TEAD4: variants seen among roughly 807,000 people sequenced by gnomAD.
TEAD4 encodes the protein transcriptional enhancer factor TEF-3.
A neutral mutation model predicts 52.4 loss-of-function variants in TEAD4; 36 were observed. The ratio of observed to expected loss-of-function variants is 0.69; its 90% confidence interval spans 0.53 to 0.91. The LOEUF is 0.91. TEAD4 is among the 40% of genes least tolerant of loss of function. The pLI is 0.00. For synonymous variants in TEAD4, 220 were observed against 231.0 expected (o/e 0.95, Z 0.43); for missense variants, 508 against 583.9 (o/e 0.87, Z 1.34).
At chr12:2,987,788 G>T (rs1046848320) in intron 2 of TEAD4, among the ~76,000 whole-genome samples, 3 of 151,612 alleles carry the variant, frequency 2.0e-5, no homozygotes, top group Non-Finnish European at 1.5e-5. Context: ...TTTCAGGGCC[G>T]GGCACGGTGG....
At chr12:2,971,157 A>T (rs532961089) in intron 2 of TEAD4, among the ~76,000 whole-genome samples, 19 of 152,220 alleles carry the variant, frequency 1.2e-4, no homozygotes, top group Non-Finnish European at 2.2e-4. Flanking sequence ...AGGGAAATGG[A>T]CTGTGAAGCT....
intron 3 of TEAD4, among the ~76,000 whole-genome samples, chr12:3,008,282 G>A (rs1487279122): frequency 6.6e-6 from 1 of 152,126 alleles, no homozygotes; most frequent in Non-Finnish European, 1.5e-5. Context: ...TGGGACTCTG[G>A]GGCAGAGTGT....
rs149743004 is a variant in TEAD4 at position 3,017,525 on chromosome 12, G to A, written c.482G>A (p.Gly161Glu). The A allele has an allele frequency of 1.8e-3, 2,862 of 1,612,468 alleles. 7 individuals are homozygous for A. The highest frequency in any genetic ancestry group is 3.0e-3 in the South Asian group (274 of 90,852). ...GGCCCCGGCCGCCCAGCAGTCTCAG[G>A]GGTAAGTGGGCTGCCGAGAGCTGGA... is the stretch of plus-strand genomic sequence containing the variant. The change falls in exon 6 of 13, where the codon GGG becomes GAG. Residue 161 changes from glycine (G) to glutamate (E), a missense_variant and splice_region_variant. Physicochemically the swap from Gly to Glu is moderately conservative, Grantham distance 98. Transcript: ENST00000359864.
At chr12:2,961,792 A>G (rs1037498898) in intron 2 of TEAD4, among the ~76,000 whole-genome samples, 2 of 151,824 alleles carry the variant, frequency 1.3e-5, no homozygotes, top group Non-Finnish European at 2.9e-5. Flanking sequence ...TTTCCTAGGG[A>G]TTAGTGTTTT....
intron 10 of TEAD4, among the ~76,000 whole-genome samples, chr12:3,031,912 T>C (rs1014089522): frequency 2.0e-5 from 3 of 152,012 alleles, no homozygotes; most frequent in African/African-American, 7.3e-5. Context: ...CTGCCCTCCA[T>C]GCAGCATCCT....
intron 2 of TEAD4, among the ~76,000 whole-genome samples, chr12:2,970,377 A>G (rs1469516433): frequency 6.6e-6 from 1 of 152,252 alleles, no homozygotes; most frequent in East Asian, 1.9e-4. Context: ...GGGTGGGATA[A>G]TAAGGTTAAT....
At chr12:2,989,847 T>C (rs1420751242) in intron 2 of TEAD4, among the ~76,000 whole-genome samples, 4 of 152,254 alleles carry the variant, frequency 2.6e-5, no homozygotes, top group Non-Finnish European at 5.9e-5. Context: ...GTCCCTACGT[T>C]ATGTGTTCCT....
chr12:2,967,773 TG>T (rs770314409), intron 2 of TEAD4, among the ~76,000 whole-genome samples: 10 of 152,190 alleles, frequency 6.6e-5, no homozygotes, highest in Non-Finnish European at 1.2e-4. Flanking sequence ...GGTTTGTTTT[TG>T]TTTTGTTTTT....
chr12:2,999,913 C>T (rs2098250370), intron 3 of TEAD4, among the ~76,000 whole-genome samples: 1 of 152,206 alleles, frequency 6.6e-6, no homozygotes, highest in Non-Finnish European at 1.5e-5. Flanking sequence ...TCCCTTTCTG[C>T]CTCCTGTGCT....
At chr12:2,984,038 A>G (rs945214912) in intron 2 of TEAD4, among the ~76,000 whole-genome samples, 2 of 152,188 alleles carry the variant, frequency 1.3e-5, no homozygotes, top group African/African-American at 4.8e-5. Flanking sequence ...TGAACAAGGA[A>G]TGGAAGGGAA....
chr12:2,994,402 G>A lies in TEAD4; in HGVS notation c.-29-336G>A, dbSNP rs549727691. On this transcript the variant is annotated intron_variant, in intron 2 of 12. Coordinates refer to ENST00000359864, the MANE Select transcript of TEAD4 (RefSeq NM_003213.4). The surrounding 1 kb of genome is among the most constrained non-coding windows in gnomAD (Gnocchi z 4.7). ...GTACCATTTTGCATTCCCACCAACA[G>A]TACCCAGGATTTTGCATGCTTTTTG... is the stretch of plus-strand genomic sequence containing the variant. Among the ~76,000 whole-genome samples the A allele has an allele frequency of 6.6e-6, 1 of 152,250 alleles. No homozygotes were observed. Among genetic ancestry groups the A allele is most frequent in the Non-Finnish European group, 1.5e-5 (1 of 68,022 alleles).
At chr12:2,999,386 G>A (rs867814798) in intron 3 of TEAD4, among the ~76,000 whole-genome samples, 9 of 152,292 alleles carry the variant, frequency 5.9e-5, no homozygotes, top group African/African-American at 1.9e-4. Context: ...GATGATTCCC[G>A]ACCTGGGGAC....
chr12:2,961,576 C>T (rs1215690544), intron 2 of TEAD4, among the ~76,000 whole-genome samples: 4 of 152,036 alleles, frequency 2.6e-5, no homozygotes, highest in Non-Finnish European at 5.9e-5. Flanking sequence ...GGGTACAAAT[C>T]CTGAGTCTCT....
intron 6 of TEAD4, among the ~76,000 whole-genome samples, chr12:3,018,301 G>A (rs573751855): frequency 1.6e-4 from 24 of 152,334 alleles, no homozygotes; most frequent in Admixed American, 4.6e-4. Context: ...GAGTTGCCCT[G>A]TGCTGTGTGG....
intron 10 of TEAD4, 107 bp downstream of exon 10, chr12:3,022,124 G>A: frequency 2.1e-6 from 3 of 1,424,742 alleles, no homozygotes; most frequent in Non-Finnish European, 2.9e-6. Context: ...AACTTGGGGA[G>A]GTGGCACCAG....
At chr12:2,967,803 G>A (rs151100496) in intron 2 of TEAD4, among the ~76,000 whole-genome samples, 130 of 152,266 alleles carry the variant, frequency 8.5e-4, no homozygotes, top group African/African-American at 2.9e-3. Flanking sequence ...ACTTTACAGA[G>A]GGGACACTGT....
At chr12:2,992,437 T>G (rs989562869) in intron 2 of TEAD4, among the ~76,000 whole-genome samples, 3 of 151,840 alleles carry the variant, frequency 2.0e-5, no homozygotes, top group African/African-American at 7.3e-5. Flanking sequence ...ACTTAGCCCC[T>G]CCCTCCCCTC....
At chr12:3,033,473 G>A (rs775945244) in intron 10 of TEAD4, among the ~76,000 whole-genome samples, 55 of 152,192 alleles carry the variant, frequency 3.6e-4, no homozygotes, top group Admixed American at 1.4e-3. Flanking sequence ...CATTAACGCC[G>A]CTCTGCACAT....
intron 10 of TEAD4, among the ~76,000 whole-genome samples, chr12:3,026,572 C>G (rs2153957842): frequency 6.6e-6 from 1 of 152,270 alleles, no homozygotes; most frequent in East Asian, 1.9e-4. Context: ...CTGTAAGGGG[C>G]CTGCTGGGAA....
Sources: gnomAD v4.1 joint callset for allele counts (sites outside exome capture counted in the v4.1 genomes callset) on GRCh38, gnomAD v4.1.1 for gene constraint, Gnocchi (gnomAD v3.1) non-coding constraint, MANE v1.5 for transcripts, NCBI Gene and HGNC (gene_info 2026-07-23, HGNC 2026-07-21) for gene names.